The following DBF4B variants were observed in gnomAD, a reference collection of about 807,000 sequenced individuals.
The protein encoded by DBF4B is protein DBF4 homolog B.
DBF4B carries 49 observed loss-of-function variants against 53.4 expected under a neutral mutation model. The ratio of observed to expected loss-of-function variants is 0.92; its 90% CI spans 0.73 to 1.16. The LOEUF is 1.16. Ranked by LOEUF, DBF4B falls within the 50% of genes most tolerant of loss-of-function variation. The pLI, the probability that DBF4B is intolerant of heterozygous loss-of-function variation, is 0.00. For synonymous variants in DBF4B, 257 were observed against 288.7 expected (o/e 0.89, Z 1.11); for missense variants, 692 against 775.0 (o/e 0.89, Z 1.27).
intron 13 of DBF4B, chr17:44,750,188 A>G: frequency 4.0e-6 from 4 of 999,066 alleles, no homozygotes; most frequent in Admixed American, 5.8e-5. Context: ...ACCTCCCCCC[A>G]TTTCTGGCAG....
intron 13 of DBF4B, chr17:44,750,050 C>T: frequency 1.0e-6 from 1 of 1,001,730 alleles, no homozygotes; most frequent in East Asian, 1.1e-4. Flanking sequence ...TCTGGGACCC[C>T]TCTCGCCCCT....
At chr17:44,731,905 A>G in intron 5 of DBF4B, 2 of 376,534 alleles carry the variant, frequency 5.3e-6, no homozygotes, top group Non-Finnish European at 4.9e-6. Flanking sequence ...CTCTCTCAGA[A>G]GCATCTGTTC....
chr17:44,733,997 C>A, intron 6 of DBF4B, 93 bp from the exon 7 acceptor site: 1 of 1,032,956 alleles, frequency 9.7e-7, no homozygotes, highest in Non-Finnish European at 1.5e-6. Context: ...AGTGGGCTGG[C>A]CCAGCGAGTT....
chr17:44,709,308 C>G lies in DBF4B; in HGVS notation c.24C>G (p.Asp8Glu), dbSNP rs754887521. The G allele has an allele frequency of 3.8e-5, 61 of 1,613,850 alleles. No homozygotes were observed. The highest frequency in any genetic ancestry group is 4.7e-5 in the Non-Finnish European group (55 of 1,179,992). The change falls in exon 2 of 14, where the codon GAC becomes GAG. Residue 8 changes from aspartate (D) to glutamate (E), a missense_variant. By Grantham distance (45) the Asp-to-Glu change is conservative. Coordinates refer to ENST00000315005, the MANE Select transcript of DBF4B (RefSeq NM_145663.3). ...TGCTGTTATGTCCTTTCTCAGGAGA[C>G]GATTGCCTCGAGCTGGAGAGTTCCA... MSEPGKGDDCLELESSMA... is the reference protein window; with the variant it reads MSEPGKGEDCLELESSMA...
intron 4 of DBF4B, 77 bp from the exon 5 acceptor site, chr17:44,730,888 C>T: frequency 6.7e-7 from 1 of 1,503,422 alleles, no homozygotes; most frequent in East Asian, 2.3e-5. Context: ...CATAACCCCT[C>T]ACCAGCTCCT....
intron 3 of DBF4B, among the ~76,000 whole-genome samples, chr17:44,725,681 C>CTCCTTTTTTTTTTTTTTT (rs1974250978): frequency 1.3e-5 from 1 of 79,096 alleles, no homozygotes; most frequent in Non-Finnish European, 2.5e-5. Context: ...TTTTTTTGTG[C>CTCCTTTTTTTTTTTTTTT]TTCTTTTTTT....
chr17:44,721,714 C>T (rs1973865348), intron 2 of DBF4B, among the ~76,000 whole-genome samples: 1 of 151,704 alleles, frequency 6.6e-6, no homozygotes, highest in Non-Finnish European at 1.5e-5. Flanking sequence ...TTTTCTTATA[C>T]ACAAATATCC....
At chr17:44,712,904 C>T (rs1480001178) in intron 2 of DBF4B, among the ~76,000 whole-genome samples, 2 of 151,930 alleles carry the variant, frequency 1.3e-5, no homozygotes, top group Non-Finnish European at 2.9e-5. Flanking sequence ...TGACTGTCTT[C>T]TATGGACAAT....
intron 3 of DBF4B, 65 bp downstream of exon 3, chr17:44,723,087 G>A: frequency 6.3e-7 from 1 of 1,591,670 alleles, no homozygotes; most frequent in Non-Finnish European, 8.6e-7. Context: ...GGAGTTGGAT[G>A]GGGATTATAT....
intron 2 of DBF4B, among the ~76,000 whole-genome samples, chr17:44,712,547 A>C (rs1972977490): frequency 6.6e-6 from 1 of 151,340 alleles, no homozygotes; most frequent in Non-Finnish European, 1.5e-5. Context: ...CTCGTGATCC[A>C]CCCGTCTCAG....
chr17:44,711,222 G>A (rs72826852), intron 2 of DBF4B, among the ~76,000 whole-genome samples: 11,249 of 152,070 alleles, frequency 0.074, 535 homozygotes, highest in Non-Finnish European at 0.11. Context: ...CCGACCTCAT[G>A]ATCCACCTGC....
chr17:44,721,455 G>C (rs992504446), intron 2 of DBF4B, among the ~76,000 whole-genome samples: 3 of 152,110 alleles, frequency 2.0e-5, no homozygotes, highest in African/African-American at 2.4e-5. Flanking sequence ...CTGGCCTCAA[G>C]TAATGTGCCC....
chr17:44,743,045 G>A (rs1215519576), intron 10 of DBF4B, among the ~76,000 whole-genome samples: 4 of 152,228 alleles, frequency 2.6e-5, no homozygotes, highest in South Asian at 2.1e-4. Context: ...GAATGTGGCA[G>A]TAGATGAAAT....
Position 44,749,888 on chromosome 17 carries a change from A to G in DBF4B, c.1190-707A>G. 9.6e-7 allele frequency: 1 copy of G among 1,036,782 alleles called. No individual in the cohort carries two copies. The highest frequency in any genetic ancestry group is 3.7e-5 in the South Asian group (1 of 27,360). The allele number at this position is 1,036,782 out of a possible 1,614,324, so 64.2% of individuals were successfully genotyped here. ...AATGACTGTGTTTGTCCCCTCCCCC[A>G]GCCCCCCACGCTCCCGCACACAGAT... On this transcript the variant is annotated intron_variant, in intron 13 of 13. Transcript: ENST00000315005. This position sits in a 1 kb window ranked among gnomAD's most constrained non-coding sequence, Gnocchi z 4.4.
chr17:44,714,818 G>A (rs955719917), intron 2 of DBF4B, among the ~76,000 whole-genome samples: 1 of 151,806 alleles, frequency 6.6e-6, no homozygotes, highest in Admixed American at 6.6e-5. Flanking sequence ...CAAAGTGCTG[G>A]GATTACAGAT....
chr17:44,747,412 C>A lies in DBF4B; in HGVS notation c.961C>A (p.Arg321=). 1.9e-6 allele frequency: 3 copies of A among 1,614,144 alleles called. No homozygotes were observed. The highest frequency in any genetic ancestry group is 2.5e-6 in the Non-Finnish European group (3 of 1,180,042). ...GCAGCATCTTCAGAGTGCCCAGCAC[C>A]GGAGCTTTGCCCTGGAAGCCCATCT... The part of the protein sequence containing the change: ...LHVHLQSAQH[R]SFALEAHLYA... Residue 321 remains arginine (R), a synonymous_variant, in exon 12 of 14, where the codon CGG becomes AGG. Transcript: ENST00000315005.
chr17:44,718,741 G>A (rs1245441655), intron 2 of DBF4B: 1 of 152,016 alleles, frequency 6.6e-6, no homozygotes, highest in Non-Finnish European at 1.5e-5. Flanking sequence ...TTTACCTTCT[G>A]TAATTAATAA....
In DBF4B at chr17:44,747,086, A is replaced by C; in HGVS notation, c.834A>C (p.Glu278Asp). ...CCGCACTATGTACCCTCCCCAGAGA[A>C]TCCAAGGATGGAGAGCCAAGCCCAC... is the stretch of plus-strand genomic sequence containing the variant. ...TTLGSMHHTR[E>D]SKDGEPSPRS... Residue 278 changes from glutamate (E) to aspartate (D), a missense_variant, in exon 11 of 14, where the codon GAA becomes GAC. By Grantham distance (45) the Glu-to-Asp change is conservative. Coordinates refer to ENST00000315005, the MANE Select transcript of DBF4B (RefSeq NM_145663.3). 1.2e-6 allele frequency: 2 copies of C among 1,614,018 alleles called. No homozygotes were observed. Among genetic ancestry groups the C allele is most frequent in the Non-Finnish European group, 8.5e-7 (1 of 1,179,962 alleles).
intron 10 of DBF4B, among the ~76,000 whole-genome samples, chr17:44,745,121 G>A (rs181952284): frequency 6.6e-6 from 1 of 152,130 alleles, no homozygotes; most frequent in Admixed American, 6.5e-5. Flanking sequence ...TTGTAGAGGT[G>A]GGGTTTCACC....
Sources: gnomAD v4.1 joint callset for allele counts (sites outside exome capture counted in the v4.1 genomes callset) on GRCh38, gnomAD v4.1.1 for gene constraint, Gnocchi (gnomAD v3.1) non-coding constraint, MANE v1.5 for transcripts, NCBI Gene and HGNC (gene_info 2026-07-23, HGNC 2026-07-21) for gene names.